ANKRD12: variants seen among roughly 807,000 people sequenced by gnomAD.
ANKRD12 encodes the protein ankyrin repeat domain-containing protein 12.
ANKRD12 carries 85 observed loss-of-function variants against 183.4 expected under a neutral mutation model. The ratio of observed to expected loss-of-function variants is 0.46; its 90% CI spans 0.39 to 0.56. The LOEUF is 0.56. ANKRD12 is among the 20% of genes least tolerant of loss of function. ANKRD12 has a pLI of 0.00. For missense variants in ANKRD12, 2,405 were observed against 2,357.1 expected, an observed-to-expected ratio of 1.02 and a Z score of -0.42; for synonymous variants, 914 against 800.2, an observed-to-expected ratio of 1.14 and a Z score of -2.40.
chr18:9,197,221 C>G (rs1379145254), intron 3 of ANKRD12, among the ~76,000 whole-genome samples: 1 of 152,006 alleles, frequency 6.6e-6, no homozygotes, highest in Non-Finnish European at 1.5e-5. Context: ...GAAATTTAGG[C>G]ATTGAATAAA....
chr18:9,273,627 T>C (rs1386643185), intron 10 of ANKRD12, among the ~76,000 whole-genome samples: 3 of 152,214 alleles, frequency 2.0e-5, no homozygotes, highest in African/African-American at 7.2e-5. Flanking sequence ...TCCATTCTAC[T>C]TATTTATCCA....
At position 9,284,960 on chromosome 18, in the gene ANKRD12, A is replaced by C. The variant is rs1381499666; in HGVS notation, c.*3834A>C. 6.6e-6 allele frequency: 1 copy of C among 152,258 alleles called. No individual in the cohort carries two copies. The highest frequency in any genetic ancestry group is 1.5e-5 in the Non-Finnish European group (1 of 68,060). The allele number at this position is 152,258 out of a possible 1,614,324, so 9.4% of individuals were successfully genotyped here. ...AGTGGCTCGCGCCTGTAATCCCAGC[A>C]CTTTGGGAGGCCAAGGCGGGCGGAT... On this transcript the variant is annotated 3_prime_UTR_variant, in exon 13 of 13. Transcript: ENST00000262126.
chr18:9,258,833 G>A lies in ANKRD12; in HGVS notation c.5566G>A (p.Val1856Met). ...IEEKRKLLCS[V>M]IPQAPQYYDE... ...AGAAAAACGCAAATTACTGTGTAGT[G>A]TGATTCCTCAAGCACCTCAGTACTA... is the stretch of plus-strand genomic sequence containing the variant. The change falls in exon 9 of 13, where the codon GTG becomes ATG. Residue 1856 changes from valine (V) to methionine (M), a missense_variant. Coordinates refer to ENST00000262126, the MANE Select transcript of ANKRD12 (RefSeq NM_015208.5). The A allele has an allele frequency of 6.2e-7, 1 of 1,613,944 alleles. No individual in the cohort carries two copies.
In ANKRD12 at chr18:9,283,474, A is replaced by G. The variant is rs1010575430; in HGVS notation, c.*2348A>G. The stretch of plus-strand genomic sequence containing the variant: ...GTTAATGCCTTCTCATTGGAAATGT[A>G]TAATCAAATAAGTAGTTAAGGGCTT... On this transcript the variant is annotated 3_prime_UTR_variant, in exon 13 of 13. Transcript: ENST00000262126. The G allele has an allele frequency of 1.3e-5, 2 of 152,330 alleles. No individual in the cohort carries two copies. The highest frequency in any genetic ancestry group is 2.9e-5 in the Non-Finnish European group (2 of 68,030). 9.4% of individuals were successfully genotyped at this position (152,330 alleles called of 1,614,324 possible). A position where few individuals can be genotyped will look rare whatever the true frequency, so the allele number is the denominator to read the frequency against.
rs1435053492 is a variant in ANKRD12 at position 9,174,875 on chromosome 18, A to G, written c.-51-7507A>G. Among the ~76,000 whole-genome samples the G allele has an allele frequency of 2.6e-5, 4 of 152,210 alleles. No individual in the cohort carries two copies. In the South Asian group the frequency reaches 6.2e-4, roughly 24 times the overall value. ...GTGCTTTGTGAAACTGCTATGAAGA[A>G]TATTCAAGTCAGACTTAAGTTGGAA... On this transcript the variant is annotated intron_variant, in intron 1 of 12. Transcript: ENST00000262126.
intron 3 of ANKRD12, among the ~76,000 whole-genome samples, chr18:9,196,323 T>A (rs928003519): frequency 6.6e-6 from 1 of 152,138 alleles, no homozygotes; most frequent in Non-Finnish European, 1.5e-5. Flanking sequence ...CAGTTATTCA[T>A]AACGGATGAG....
At chr18:9,266,140 T>C (rs1016875552) in intron 10 of ANKRD12, among the ~76,000 whole-genome samples, 3 of 152,210 alleles carry the variant, frequency 2.0e-5, no homozygotes, top group African/African-American at 4.8e-5. Flanking sequence ...CTACGTCTGA[T>C]TGGTGTACCT....
intron 8 of ANKRD12, among the ~76,000 whole-genome samples, chr18:9,232,975 G>A (rs570681236): frequency 1.3e-5 from 2 of 151,780 alleles, no homozygotes; most frequent in Non-Finnish European, 2.9e-5. Context: ...TCAGCCTCCC[G>A]AGTAGCTGGG....
intron 10 of ANKRD12, 128 bp from the exon 11 acceptor site, chr18:9,275,396 C>A: frequency 1.5e-6 from 1 of 665,592 alleles, no homozygotes; most frequent in Non-Finnish European, 2.4e-6. Context: ...TTGCTTGAAC[C>A]CAGGAGGTCA....
intron 8 of ANKRD12, among the ~76,000 whole-genome samples, chr18:9,245,410 T>C (rs1040890586): frequency 2.0e-5 from 3 of 152,096 alleles, no homozygotes; most frequent in Non-Finnish European, 4.4e-5. Flanking sequence ...GTGAACACTG[T>C]GATCATACCA....
At chr18:9,170,016 T>C (rs1382832895) in intron 1 of ANKRD12, among the ~76,000 whole-genome samples, 2 of 152,256 alleles carry the variant, frequency 1.3e-5, no homozygotes, top group Non-Finnish European at 2.9e-5. Context: ...AAAATTATTT[T>C]CTTTAAGAAT....
rs373440163 is a variant in ANKRD12 at position 9,182,647 on chromosome 18, C to T, written c.87+128C>T. The T allele has an allele frequency of 6.2e-3, 2,972 of 482,102 alleles. 174 individuals are homozygous for T. The South Asian group carries it at 0.091, about 15-fold the overall frequency. 29.9% of individuals were successfully genotyped at this position (482,102 alleles called of 1,614,324 possible). On this transcript the variant is annotated intron_variant, in intron 2 of 12. Coordinates refer to ENST00000262126, the MANE Select transcript of ANKRD12 (RefSeq NM_015208.5). ...GCCAGATAAATCCAAACCATTTATG[C>T]CCTTTAGAAATAAATTGGATTCCTG...
intron 1 of ANKRD12, among the ~76,000 whole-genome samples, chr18:9,146,058 A>G (rs1050804821): frequency 2.0e-5 from 3 of 152,224 alleles, no homozygotes; most frequent in African/African-American, 7.2e-5. Flanking sequence ...GTCTCTTCAA[A>G]AAGGCCAAGA....
chr18:9,280,015 C>T (rs1422274415), intron 12 of ANKRD12, among the ~76,000 whole-genome samples: 1 of 152,008 alleles, frequency 6.6e-6, no homozygotes, highest in Non-Finnish European at 1.5e-5. Context: ...AGTCTTTCCC[C>T]CCTAGATTTT....
chr18:9,188,107 C>T (rs1351137226), intron 2 of ANKRD12, among the ~76,000 whole-genome samples: 1 of 152,162 alleles, frequency 6.6e-6, no homozygotes, highest in Non-Finnish European at 1.5e-5. Flanking sequence ...AGACACAATT[C>T]CTAGGTCAGT....
intron 1 of ANKRD12, among the ~76,000 whole-genome samples, chr18:9,172,326 A>T (rs549578346): frequency 1.3e-5 from 2 of 152,088 alleles, no homozygotes; most frequent in African/African-American, 4.8e-5. Flanking sequence ...TTCTAATTTG[A>T]TTCCATTCTT....
intron 1 of ANKRD12, among the ~76,000 whole-genome samples, chr18:9,159,876 C>T (rs908994530): frequency 6.6e-6 from 1 of 151,794 alleles, no homozygotes; most frequent in African/African-American, 2.4e-5. Flanking sequence ...ATGACCATAG[C>T]TTACCACAGC....
intron 8 of ANKRD12, 24 bp from the exon 9 acceptor site, chr18:9,254,187 C>G (rs189312118): frequency 5.6e-5 from 82 of 1,464,052 alleles, no homozygotes; most frequent in Admixed American, 1.3e-4. Context: ...TGACCCACAC[C>G]ACATTTTCTT....
chr18:9,188,837 A>G (rs903243295), intron 2 of ANKRD12, among the ~76,000 whole-genome samples: 1 of 152,224 alleles, frequency 6.6e-6, no homozygotes, highest in Non-Finnish European at 1.5e-5. Flanking sequence ...TATGTGTTCT[A>G]CTGCTCCACT....
Sources: allele counts gnomAD v4.1 joint callset (sites outside exome capture counted in the v4.1 genomes callset), GRCh38; gene constraint gnomAD v4.1.1; transcripts MANE v1.5; gene names NCBI Gene and HGNC (gene_info 2026-07-23, HGNC 2026-07-21).